EHBP1: variants seen among roughly 807,000 people sequenced by gnomAD.
The protein encoded by EHBP1 is EH domain-binding protein 1.
EHBP1 carries 55 observed loss-of-function variants against 144.0 expected under a neutral mutation model. The ratio of observed to expected loss-of-function variants is 0.38; its 90% CI spans 0.31 to 0.48. The LOEUF is 0.48. EHBP1 is among the 20% of genes least tolerant of loss of function. The pLI is 0.98. For missense variants in EHBP1, 1,200 were observed against 1,364.2 expected (o/e 0.88, Z 1.90); for synonymous variants, 469 against 472.7 (o/e 0.99, Z 0.10).
At chr2:63,029,112 T>C (rs1356458714) in intron 19 of EHBP1, among the ~76,000 whole-genome samples, 1 of 152,170 alleles carries the variant, frequency 6.6e-6, no homozygotes, top group East Asian at 1.9e-4. Flanking sequence ...TATCTACTTT[T>C]TTTTTTAAGT....
chr2:63,011,842 CAT>C (rs1382570010), intron 19 of EHBP1, among the ~76,000 whole-genome samples: 3 of 151,938 alleles, frequency 2.0e-5, no homozygotes, highest in Non-Finnish European at 2.9e-5. Flanking sequence ...CAGCTATACT[CAT>C]ATTGCAAAGT....
intron 10 of EHBP1, among the ~76,000 whole-genome samples, chr2:62,896,862 A>T (rs1339984085): frequency 6.6e-6 from 1 of 152,092 alleles, no homozygotes. Context: ...AGTCACTCAC[A>T]TCTTGCCAAG....
chr2:62,857,763 A>G (rs1018395055), intron 7 of EHBP1, among the ~76,000 whole-genome samples: 1 of 152,004 alleles, frequency 6.6e-6, no homozygotes, highest in Non-Finnish European at 1.5e-5. Flanking sequence ...TGTATCTTAA[A>G]TTTGTTTCTC....
intron 14 of EHBP1, among the ~76,000 whole-genome samples, chr2:62,962,462 G>A (rs762644841): frequency 2.0e-5 from 3 of 152,134 alleles, no homozygotes; most frequent in Non-Finnish European, 4.4e-5. Flanking sequence ...TTATATACTT[G>A]TATAGGTATC....
intron 3 of EHBP1, among the ~76,000 whole-genome samples, chr2:62,756,914 TGAGA>T (rs2040343374): frequency 6.6e-6 from 1 of 152,078 alleles, no homozygotes; most frequent in Admixed American, 6.6e-5. Context: ...AAAGAAATCT[TGAGA>T]GTGAGATCCA....
intron 7 of EHBP1, 59 bp from the exon 8 acceptor site, chr2:62,859,110 G>T: frequency 6.9e-7 from 1 of 1,447,174 alleles, no homozygotes; most frequent in South Asian, 1.5e-5. Context: ...AATATTTCAC[G>T]AATGTTCAAT....
chr2:63,043,155 G>T (rs2061745584), intron 21 of EHBP1, among the ~76,000 whole-genome samples: 1 of 152,098 alleles, frequency 6.6e-6, no homozygotes, highest in Non-Finnish European at 1.5e-5. Flanking sequence ...AACCTGGAGA[G>T]CCTATTAATT....
intron 7 of EHBP1, among the ~76,000 whole-genome samples, chr2:62,835,842 C>T (rs1168914772): frequency 1.3e-4 from 20 of 152,172 alleles, no homozygotes; most frequent in Admixed American, 2.6e-4. Flanking sequence ...GAGGGTCCTA[C>T]GCCCACGGAA....
At chr2:63,016,168 G>A (rs1280189383) in intron 19 of EHBP1, among the ~76,000 whole-genome samples, 5 of 152,078 alleles carry the variant, frequency 3.3e-5, no homozygotes, top group African/African-American at 7.2e-5. Context: ...ATTTTCAGAG[G>A]CAATAAGCCA....
rs530032429 is a variant in EHBP1, at chr2:62,825,603, T to C, written c.313-484T>C. Reference sequence around the variant, plus strand: ...TACAGGATACATAGAATTCAGATGTTGTAGACAGAAAAAAAAAAAAGAGGT... The same window carrying C: ...TACAGGATACATAGAATTCAGATGTCGTAGACAGAAAAAAAAAAAAGAGGT... On this transcript the variant is annotated intron_variant, in intron 5 of 22. Coordinates refer to ENST00000431489, the MANE Select transcript of EHBP1 (RefSeq NM_001142616.3). 1.1e-3 allele frequency among the ~76,000 whole-genome samples: 166 copies of C among 151,458 alleles called. 1 individual carries two copies. The highest frequency in any genetic ancestry group is 3.1e-3 in the Admixed American group (47 of 15,226).
chr2:62,688,651 T>C (rs1291404515), intron 1 of EHBP1, among the ~76,000 whole-genome samples: 2 of 152,188 alleles, frequency 1.3e-5, no homozygotes, highest in Admixed American at 6.5e-5. Flanking sequence ...CAGCCTCTAG[T>C]ATCTTCTGTT....
intron 7 of EHBP1, among the ~76,000 whole-genome samples, chr2:62,832,164 G>C (rs1464852643): frequency 3.9e-5 from 6 of 152,104 alleles, no homozygotes; most frequent in African/African-American, 1.4e-4. Flanking sequence ...TGGAGAGTGT[G>C]TTTTACCATG....
At chr2:62,675,205 C>A (rs1296390463) in intron 1 of EHBP1, among the ~76,000 whole-genome samples, 1 of 152,146 alleles carries the variant, frequency 6.6e-6, no homozygotes, top group Non-Finnish European at 1.5e-5. Context: ...GAGCATGTCT[C>A]CAGAGTAGCC....
intron 14 of EHBP1, among the ~76,000 whole-genome samples, chr2:62,970,601 A>C (rs1318749660): frequency 6.6e-6 from 1 of 152,178 alleles, no homozygotes; most frequent in Non-Finnish European, 1.5e-5. Context: ...CACCTTCACA[A>C]ATCCATGGCA....
intron 19 of EHBP1, among the ~76,000 whole-genome samples, chr2:63,015,660 T>C (rs1056295249): frequency 5.9e-5 from 9 of 152,118 alleles, no homozygotes; most frequent in Admixed American, 6.5e-5. Context: ...GATTCTGTTT[T>C]AATAGACATT....
intron 8 of EHBP1, among the ~76,000 whole-genome samples, chr2:62,861,846 T>A (rs2049579807): frequency 1.3e-5 from 2 of 152,156 alleles, no homozygotes; most frequent in Non-Finnish European, 2.9e-5. Context: ...ACTTTCTTGC[T>A]TTTGGTGTTG....
chr2:62,848,772 TTGAC>T (rs1301552047), intron 7 of EHBP1, among the ~76,000 whole-genome samples: 2 of 152,194 alleles, frequency 1.3e-5, no homozygotes, highest in Non-Finnish European at 2.9e-5. Flanking sequence ...GGACTGGGGA[TTGAC>T]TGAAAAGAGG....
chr2:62,918,725 A>C (rs1373233081), intron 10 of EHBP1, among the ~76,000 whole-genome samples: 1 of 152,228 alleles, frequency 6.6e-6, no homozygotes, highest in African/African-American at 2.4e-5. Flanking sequence ...TAAAAATATG[A>C]CAATTCCTGG....
At chr2:62,917,278 G>A (rs1263337545) in intron 10 of EHBP1, among the ~76,000 whole-genome samples, 1 of 152,172 alleles carries the variant, frequency 6.6e-6, no homozygotes, top group East Asian at 1.9e-4. Context: ...GAGCAGCAGA[G>A]TGAGACCCTG....
Sources: allele counts gnomAD v4.1 joint callset (sites outside exome capture counted in the v4.1 genomes callset), GRCh38; gene constraint gnomAD v4.1.1; transcripts MANE v1.5; gene names NCBI Gene and HGNC (gene_info 2026-07-23, HGNC 2026-07-21).